CMIP: variants seen among roughly 807,000 people sequenced by gnomAD.
The protein encoded by CMIP is C-Maf-inducing protein.
In CMIP, 13 loss-of-function variants were observed where a neutral mutation model predicts 97.3. The observed-to-expected ratio is 0.13, with a 90% confidence interval of 0.09 to 0.21. The LOEUF is 0.21. Ranked by LOEUF, CMIP falls within the 10% of genes least tolerant of loss-of-function variation. The pLI is 1.00. For synonymous variants in CMIP, 538 were observed against 436.3 expected, an observed-to-expected ratio of 1.23 and a Z score of -2.91; for missense variants, 847 against 1,024.9, an observed-to-expected ratio of 0.83 and a Z score of 2.37.
intron 1 of CMIP, among the ~76,000 whole-genome samples, chr16:81,455,061 A>C (rs1906460296): frequency 6.6e-6 from 1 of 152,218 alleles, no homozygotes; most frequent in Non-Finnish European, 1.5e-5. Flanking sequence ...AGCAGAGTCT[A>C]CCAGTGTGGG....
chr16:81,636,025 G>A (rs2092230029), intron 3 of CMIP, among the ~76,000 whole-genome samples: 1 of 152,132 alleles, frequency 6.6e-6, no homozygotes, highest in Non-Finnish European at 1.5e-5. Flanking sequence ...AAGCCAGCAT[G>A]TATGATGCAG....
intron 1 of CMIP, among the ~76,000 whole-genome samples, chr16:81,573,785 C>A: frequency 6.6e-6 from 1 of 152,220 alleles, no homozygotes; most frequent in East Asian, 1.9e-4. Flanking sequence ...TAATGTGTAA[C>A]GTGTATTTGT....
intron 6 of CMIP, among the ~76,000 whole-genome samples, chr16:81,661,455 G>T (rs371239128): frequency 6.6e-6 from 1 of 152,246 alleles, no homozygotes; most frequent in Non-Finnish European, 1.5e-5. Flanking sequence ...GGCTCAGGCC[G>T]AACCATCACA....
chr16:81,549,493 G>C (rs996516930), intron 1 of CMIP, among the ~76,000 whole-genome samples: 1 of 152,170 alleles, frequency 6.6e-6, no homozygotes, highest in Admixed American at 6.5e-5. Flanking sequence ...ACGTGCCCCA[G>C]GAAACTGTCC....
intron 14 of CMIP, among the ~76,000 whole-genome samples, chr16:81,698,579 G>A (rs896288506): frequency 1.6e-4 from 25 of 152,314 alleles, no homozygotes; most frequent in African/African-American, 5.1e-4. Flanking sequence ...CCCGAGGGGA[G>A]CAGGGGAGGG....
intron 11 of CMIP, 58 bp downstream of exon 11, chr16:81,691,898 C>T (rs1338031650): frequency 2.1e-6 from 3 of 1,454,412 alleles, no homozygotes; most frequent in Non-Finnish European, 2.9e-6. Context: ...CTCAGTTGTC[C>T]ACCAAGGCCT....
intron 20 of CMIP, among the ~76,000 whole-genome samples, chr16:81,709,084 G>A (rs1239026026): frequency 6.6e-6 from 1 of 152,130 alleles, no homozygotes; most frequent in African/African-American, 2.4e-5. Context: ...CTGGGTAGCA[G>A]AAACAGAAAG....
intron 1 of CMIP, among the ~76,000 whole-genome samples, chr16:81,590,864 CATCCATCA>C (rs1329687697): frequency 6.2e-5 from 9 of 145,502 alleles, no homozygotes; most frequent in South Asian, 4.2e-4. Flanking sequence ...TCCATCCATC[CATCCATCA>C]CATTTCTATT....
intron 10 of CMIP, among the ~76,000 whole-genome samples, chr16:81,687,133 G>A (rs1482434357): frequency 1.3e-5 from 2 of 152,140 alleles, no homozygotes; most frequent in African/African-American, 2.4e-5. Flanking sequence ...CTCTGAAGCC[G>A]GTCACAGGCC....
chr16:81,678,663 C>T (rs1415356246), intron 10 of CMIP, 35 bp downstream of exon 10: 24 of 1,021,940 alleles, frequency 2.3e-5, no homozygotes, highest in South Asian at 4.3e-5. Context: ...CCCCCGGGGC[C>T]GGTGGGAGGA....
intron 15 of CMIP, among the ~76,000 whole-genome samples, chr16:81,700,192 C>T (rs1907236583): frequency 6.6e-6 from 1 of 152,118 alleles, no homozygotes. Flanking sequence ...GTTGGGTTAG[C>T]CCCAAGGCTT....
At position 81,656,028 on chromosome 16, in the gene CMIP, G is replaced by T. The variant is rs56662415; in HGVS notation, c.640-1747G>T. Among the ~76,000 whole-genome samples, 4 of 152,194 alleles carry T rather than the reference G, an allele frequency of 2.6e-5. No individual in the cohort carries two copies. In the East Asian group the frequency reaches 5.8e-4, roughly 22 times the overall value. On this transcript the variant is annotated intron_variant, in intron 4 of 20. Transcript: ENST00000537098. ...ATAGTTAATAATCTACCATAAACAG[G>T]CTGCTCAAACTCCACTCATATCCAC... is the stretch of plus-strand genomic sequence containing the variant.
At chr16:81,543,582 G>A (rs1219178787) in intron 1 of CMIP, among the ~76,000 whole-genome samples, 1 of 152,164 alleles carries the variant, frequency 6.6e-6, no homozygotes, top group Non-Finnish European at 1.5e-5. Flanking sequence ...GACAGCCTGT[G>A]TTCAATTCCT....
intron 1 of CMIP, among the ~76,000 whole-genome samples, chr16:81,484,933 C>T (rs539503732): frequency 6.6e-6 from 1 of 151,992 alleles, no homozygotes; most frequent in Non-Finnish European, 1.5e-5. Flanking sequence ...CTGCCTTCCT[C>T]CTCCTACCCC....
In CMIP at chr16:81,670,137, C is replaced by T; in HGVS notation, c.826-5C>T. 1 of 1,605,076 alleles carries T rather than the reference C, an allele frequency of 6.2e-7. No homozygotes were observed. Among genetic ancestry groups the T allele is most frequent in the Non-Finnish European group, 8.5e-7 (1 of 1,176,148 alleles). On this transcript the variant is annotated splice_polypyrimidine_tract_variant and splice_region_variant and intron_variant, in intron 7 of 20. Coordinates refer to ENST00000537098, the MANE Select transcript of CMIP (RefSeq NM_198390.3). ...CCCGACTCCTGTCCTCTGCTGTCTC[C>T]ACAGGACTTTGGGAAGTGCCCGCGA...
chr16:81,628,963 C>T (rs1325945668), intron 3 of CMIP, among the ~76,000 whole-genome samples: 3 of 151,702 alleles, frequency 2.0e-5, no homozygotes, highest in African/African-American at 7.3e-5. Flanking sequence ...TGGGGAAACC[C>T]TGTCTCTACT....
At chr16:81,461,786 C>G (rs1567527578) in intron 1 of CMIP, among the ~76,000 whole-genome samples, 1 of 152,250 alleles carries the variant, frequency 6.6e-6, no homozygotes, top group African/African-American at 2.4e-5. Flanking sequence ...GCTTGTAACT[C>G]TGGGTAGATC....
At chr16:81,592,745 A>C (rs1010976411) in intron 1 of CMIP, among the ~76,000 whole-genome samples, 4 of 151,992 alleles carry the variant, frequency 2.6e-5, no homozygotes, top group Non-Finnish European at 4.4e-5. Flanking sequence ...GGAACTGGGG[A>C]GTCTTAGCAG....
At chr16:81,484,854 T>TA (rs1467764966) in intron 1 of CMIP, among the ~76,000 whole-genome samples, 1 of 152,064 alleles carries the variant, frequency 6.6e-6, no homozygotes, top group Non-Finnish European at 1.5e-5. Context: ...CCTCTGTCCT[T>TA]ATCCCCTTCC....
Sources: gnomAD v4.1 joint callset for allele counts (sites outside exome capture counted in the v4.1 genomes callset) on GRCh38, gnomAD v4.1.1 for gene constraint, MANE v1.5 for transcripts, NCBI Gene and HGNC (gene_info 2026-07-23, HGNC 2026-07-21) for gene names.